The following GPR158 variants were observed in gnomAD, a reference collection of about 807,000 sequenced individuals.
GPR158 encodes the protein G protein-coupled receptor 158.
In GPR158, 30 loss-of-function variants were observed where a neutral mutation model predicts 78.2. The ratio of observed to expected loss-of-function variants is 0.38; its 90% CI spans 0.29 to 0.52. The LOEUF (loss-of-function observed/expected upper bound fraction) is 0.52. Among genes scored for constraint, GPR158 ranks in the 20% least tolerant of loss-of-function variants. The pLI is 0.83. For synonymous variants in GPR158, 581 were observed against 591.1 expected (o/e 0.98, Z 0.25); for missense variants, 1,463 against 1,523.5 (o/e 0.96, Z 0.66).
intron 2 of GPR158, among the ~76,000 whole-genome samples, chr10:25,341,480 TA>T (rs1370278174): frequency 6.6e-6 from 1 of 151,738 alleles, no homozygotes; most frequent in Non-Finnish European, 1.5e-5. Context: ...AAAGGATAAA[TA>T]ACTATGAATC....
chr10:25,206,653 CTG>C (rs1161019096), intron 1 of GPR158, among the ~76,000 whole-genome samples: 5 of 152,118 alleles, frequency 3.3e-5, no homozygotes, highest in Non-Finnish European at 7.4e-5. Flanking sequence ...ATATCTTACA[CTG>C]TGTTTTGACT....
At chr10:25,553,268 T>G (rs1041342590) in intron 6 of GPR158, among the ~76,000 whole-genome samples, 2 of 152,170 alleles carry the variant, frequency 1.3e-5, no homozygotes, top group Non-Finnish European at 2.9e-5. Context: ...GAAACTGTGT[T>G]ATAACATTAT....
chr10:25,381,463 G>T (rs1185898378), intron 2 of GPR158, among the ~76,000 whole-genome samples: 1 of 152,114 alleles, frequency 6.6e-6, no homozygotes, highest in African/African-American at 2.4e-5. Context: ...GCTGAGATTT[G>T]TGCACAGTTA....
At chr10:25,382,514 G>C (rs760875794) in intron 2 of GPR158, among the ~76,000 whole-genome samples, 40 of 152,048 alleles carry the variant, frequency 2.6e-4, no homozygotes, top group Non-Finnish European at 5.3e-4. Flanking sequence ...TTTAAAACTG[G>C]GTTCTGACAG....
At chr10:25,381,120 G>A (rs1330814763) in intron 2 of GPR158, among the ~76,000 whole-genome samples, 1 of 152,202 alleles carries the variant, frequency 6.6e-6, no homozygotes, top group East Asian at 1.9e-4. Flanking sequence ...AAAGAAGTAG[G>A]AGGAGAATTG....
At chr10:25,359,268 A>AT (rs1167074100) in intron 2 of GPR158, among the ~76,000 whole-genome samples, 1 of 151,692 alleles carries the variant, frequency 6.6e-6, no homozygotes, top group Non-Finnish European at 1.5e-5. Context: ...TCTTAACAAT[A>AT]TTTTTTATAC....
At chr10:25,444,336 G>C (rs1419642061) in intron 4 of GPR158, among the ~76,000 whole-genome samples, 1 of 151,324 alleles carries the variant, frequency 6.6e-6, no homozygotes, top group Non-Finnish European at 1.5e-5. Flanking sequence ...GTGTGTGTTG[G>C]GTTGTATGTG....
intron 5 of GPR158, among the ~76,000 whole-genome samples, chr10:25,488,005 T>C (rs142246803): frequency 1.7e-3 from 263 of 152,256 alleles, no homozygotes; most frequent in African/African-American, 6.2e-3. Flanking sequence ...AGTATTAGAA[T>C]ACCTTAGCAT....
At chr10:25,450,280 G>T (rs1018621875) in intron 4 of GPR158, among the ~76,000 whole-genome samples, 1 of 151,828 alleles carries the variant, frequency 6.6e-6, no homozygotes, top group Non-Finnish European at 1.5e-5. Context: ...GAGCCATGGG[G>T]GACCCAAGGC....
chr10:25,235,464 A>G (rs1244395550), intron 2 of GPR158, among the ~76,000 whole-genome samples: 1 of 148,310 alleles, frequency 6.7e-6, no homozygotes, highest in Non-Finnish European at 1.5e-5. Flanking sequence ...CCTGAAATCT[A>G]TCTGCTCTTA....
At chr10:25,503,056 A>C (rs774475690) in intron 5 of GPR158, among the ~76,000 whole-genome samples, 2 of 152,144 alleles carry the variant, frequency 1.3e-5, no homozygotes, top group Non-Finnish European at 2.9e-5. Context: ...TAGTTGTAGG[A>C]AAATCTAGGA....
At chr10:25,486,339 T>C (rs1383340784) in intron 5 of GPR158, among the ~76,000 whole-genome samples, 2 of 150,328 alleles carry the variant, frequency 1.3e-5, no homozygotes, top group Non-Finnish European at 2.9e-5. Flanking sequence ...GTTAGGAGCA[T>C]AGACTGTGGA....
chr10:25,598,217 A>G lies in GPR158; in HGVS notation c.2591A>G (p.Asp864Gly), dbSNP rs1837437881. 1 of 1,613,988 alleles carries G rather than the reference A, an allele frequency of 6.2e-7. No individual in the cohort carries two copies. Among genetic ancestry groups the G allele is most frequent in the Admixed American group, 1.7e-5 (1 of 59,996 alleles). ...AAACTAACACAAAAACTAAAAGAAG[A>G]CAGCGAGGCTGAGTCCACGGAGTCG... ...GKKLTQKLKE[D>G]SEAESTESVP... Residue 864 changes from aspartate (D) to glycine (G), a missense_variant, in exon 11 of 11, where the codon GAC (aspartate) becomes GGC (glycine). By Grantham distance (94) the Asp-to-Gly change is moderately conservative (BLOSUM62 -1). Transcript: ENST00000376351.
chr10:25,242,464 G>T (rs1347722207), intron 2 of GPR158, among the ~76,000 whole-genome samples: 1 of 152,182 alleles, frequency 6.6e-6, no homozygotes, highest in Non-Finnish European at 1.5e-5. Flanking sequence ...AGTCAGATTT[G>T]TCCATATGAT....
At chr10:25,243,511 T>G (rs2130711124) in intron 2 of GPR158, among the ~76,000 whole-genome samples, 1 of 152,356 alleles carries the variant, frequency 6.6e-6, no homozygotes, top group Non-Finnish European at 1.5e-5. Flanking sequence ...GTTAGTTGAA[T>G]GCCTGTGATC....
intron 6 of GPR158, among the ~76,000 whole-genome samples, chr10:25,551,523 G>A (rs1179037082): frequency 6.6e-6 from 1 of 152,120 alleles, no homozygotes; most frequent in African/African-American, 2.4e-5. Flanking sequence ...GCTGATATTC[G>A]ATGGGTAAAG....
At chr10:25,448,627 C>T (rs1411515517) in intron 4 of GPR158, among the ~76,000 whole-genome samples, 2 of 152,118 alleles carry the variant, frequency 1.3e-5, no homozygotes, top group Non-Finnish European at 2.9e-5. Flanking sequence ...TAGGTGAATA[C>T]CTAGGAGTAG....
At chr10:25,206,767 C>G (rs1733195858) in intron 1 of GPR158, among the ~76,000 whole-genome samples, 2 of 151,952 alleles carry the variant, frequency 1.3e-5, no homozygotes, top group South Asian at 4.2e-4. Context: ...GCTTTGATTT[C>G]TGATGGTTAA....
chr10:25,572,641 T>C lies in GPR158; in HGVS notation c.1515-8T>C. The stretch of plus-strand genomic sequence containing the variant: ...TTTGCTTTCACATTTGAACTTTTGC[T>C]TTTCTAGGGTTTTGAAGGTGTTTCT... On this transcript the variant is annotated splice_region_variant and splice_polypyrimidine_tract_variant and intron_variant, in intron 6 of 10. Coordinates refer to ENST00000376351, the MANE Select transcript of GPR158 (RefSeq NM_020752.3). The C allele has an allele frequency of 6.4e-7, 1 of 1,572,700 alleles. No individual in the cohort carries two copies. The highest frequency in any genetic ancestry group is 1.7e-5 in the Admixed American group (1 of 59,912).
Sources: gnomAD v4.1 joint callset for allele counts (sites outside exome capture counted in the v4.1 genomes callset) on GRCh38, gnomAD v4.1.1 for gene constraint, MANE v1.5 for transcripts, NCBI Gene and HGNC (gene_info 2026-07-23, HGNC 2026-07-21) for gene names.